GLIS3: variants seen among roughly 807,000 people sequenced by gnomAD.
GLIS3 encodes the protein zinc finger protein GLIS3.
In GLIS3, 53 loss-of-function variants were observed where a neutral mutation model predicts 78.6. The ratio of observed to expected loss-of-function variants is 0.67; its 90% CI spans 0.54 to 0.85. The LOEUF is 0.85. GLIS3 is among the 40% of genes least tolerant of loss of function. The pLI is 0.00. For missense variants in GLIS3, 1,703 were observed against 1,231.1 expected (o/e 1.38, Z -5.74); for synonymous variants, 684 against 509.9 (o/e 1.34, Z -4.60).
chr9:3,847,658 G>A (rs1456338756), intron 9 of GLIS3, among the ~76,000 whole-genome samples: 1 of 152,150 alleles, frequency 6.6e-6, no homozygotes, highest in Non-Finnish European at 1.5e-5. Flanking sequence ...ACCTTTTCTG[G>A]TTCACATGAC....
chr9:4,383,872 A>G, the GLIS3 span, among the ~76,000 whole-genome samples: 4 of 152,176 alleles, frequency 2.6e-5, no homozygotes, highest in Admixed American at 2.6e-4. Context: ...CAGTAGTTGA[A>G]ATGGGCTTCT....
intron 2 of GLIS3, among the ~76,000 whole-genome samples, chr9:4,218,639 C>T (rs1230116763): frequency 6.6e-6 from 1 of 152,134 alleles, no homozygotes; most frequent in Admixed American, 6.5e-5. Context: ...TAGATACCAC[C>T]CACATGTTCC....
chr9:4,418,140 C>G, the GLIS3 span, among the ~76,000 whole-genome samples: 2 of 152,192 alleles, frequency 1.3e-5, no homozygotes, highest in African/African-American at 4.8e-5. Flanking sequence ...TGAGACTTAA[C>G]AGTCACTCAT....
chr9:4,115,333 C>G (rs1238842186), intron 4 of GLIS3, among the ~76,000 whole-genome samples: 1 of 152,150 alleles, frequency 6.6e-6, no homozygotes, highest in Non-Finnish European at 1.5e-5. Flanking sequence ...AACCAAAGGT[C>G]ACTTCGCATT....
chr9:4,058,061 A>G (rs995000492), intron 4 of GLIS3, among the ~76,000 whole-genome samples: 1 of 152,206 alleles, frequency 6.6e-6, no homozygotes. Context: ...GCTAAGGACA[A>G]AAGACAAAGA....
At chr9:3,879,015 T>C (rs1420746912) in intron 8 of GLIS3, among the ~76,000 whole-genome samples, 1 of 152,144 alleles carries the variant, frequency 6.6e-6, no homozygotes, top group Non-Finnish European at 1.5e-5. Flanking sequence ...ATATAAAGTA[T>C]TCAATGAGCA....
intron 2 of GLIS3, among the ~76,000 whole-genome samples, chr9:4,177,538 C>T (rs192520481): frequency 3.3e-5 from 5 of 152,272 alleles, no homozygotes; most frequent in African/African-American, 9.6e-5. Flanking sequence ...CACTCAACTC[C>T]TCCCATAGCT....
chr9:4,152,657 T>C (rs1834768694), intron 2 of GLIS3, among the ~76,000 whole-genome samples: 1 of 152,224 alleles, frequency 6.6e-6, no homozygotes, highest in Non-Finnish European at 1.5e-5. Context: ...AAATTCTTTC[T>C]ACCTATAAAA....
At chr9:4,301,313 A>G (rs988357896), upstream of GLIS3, among the ~76,000 whole-genome samples, 1 of 152,198 alleles carries the variant, frequency 6.6e-6, no homozygotes, top group Admixed American at 6.5e-5. Context: ...CTCTCTGTTC[A>G]TCTCTTTTAA....
intron 3 of GLIS3, among the ~76,000 whole-genome samples, chr9:4,124,823 G>C (rs1369190440): frequency 6.6e-6 from 1 of 152,210 alleles, no homozygotes; most frequent in African/African-American, 2.4e-5. Flanking sequence ...GGGGCTTAGA[G>C]AGTAAAATTC....
At chr9:4,400,439 G>A in the GLIS3 span, among the ~76,000 whole-genome samples, 2 of 152,272 alleles carry the variant, frequency 1.3e-5, no homozygotes, top group African/African-American at 4.8e-5. Flanking sequence ...AAAAGAATGT[G>A]ATTATGAGAC....
At chr9:4,410,512 G>T in the GLIS3 span, among the ~76,000 whole-genome samples, 4 of 152,118 alleles carry the variant, frequency 2.6e-5, no homozygotes, top group Non-Finnish European at 4.4e-5. Context: ...CATTTCATAA[G>T]AATTTCACGT....
chr9:3,932,607 G>A, intron 5 of GLIS3, 137 bp from the exon 6 acceptor site: 1 of 692,168 alleles, frequency 1.4e-6, no homozygotes, highest in Non-Finnish European at 2.6e-6. Context: ...TAATACTCAT[G>A]CATTTTAATT....
At chr9:3,831,785 T>C (rs1049667348) in intron 9 of GLIS3, among the ~76,000 whole-genome samples, 2 of 152,102 alleles carry the variant, frequency 1.3e-5, no homozygotes, top group African/African-American at 4.8e-5. Flanking sequence ...TTTAAATAGG[T>C]ATTAAAACAA....
intron 4 of GLIS3, among the ~76,000 whole-genome samples, chr9:4,012,701 C>G (rs77527371): frequency 6.7e-6 from 1 of 149,780 alleles, no homozygotes; most frequent in South Asian, 2.1e-4. Context: ...CTCTCTTGAT[C>G]TTTGCCTTCT....
chr9:4,292,400 G>A (rs534431215), intron 1 of GLIS3, among the ~76,000 whole-genome samples: 19 of 152,238 alleles, frequency 1.2e-4, no homozygotes, highest in African/African-American at 2.6e-4. Context: ...ATATTGTAGG[G>A]TGAGTCACGG....
intron 2 of GLIS3, among the ~76,000 whole-genome samples, chr9:4,217,432 G>T (rs1353576475): frequency 6.6e-6 from 1 of 152,126 alleles, no homozygotes. Flanking sequence ...CTCTTTCCAA[G>T]CGGGGACATC....
At chr9:3,834,575 G>T (rs1818237320) in intron 9 of GLIS3, among the ~76,000 whole-genome samples, 1 of 152,102 alleles carries the variant, frequency 6.6e-6, no homozygotes, top group Admixed American at 6.5e-5. Context: ...AGCCAACTTT[G>T]TTTCAAGAGT....
At chr9:4,015,625 C>T (rs142042025) in intron 4 of GLIS3, among the ~76,000 whole-genome samples, 2 of 152,258 alleles carry the variant, frequency 1.3e-5, no homozygotes, top group Admixed American at 6.5e-5. Flanking sequence ...TGGTGGCTCA[C>T]GCCCGTAATC....
Sources: allele counts gnomAD v4.1 joint callset (sites outside exome capture counted in the v4.1 genomes callset), GRCh38; gene constraint gnomAD v4.1.1; transcripts MANE v1.5; gene names NCBI Gene and HGNC (gene_info 2026-07-23, HGNC 2026-07-21).